The following TMTC1 variants were observed in gnomAD, a reference collection of about 807,000 sequenced individuals.
The protein encoded by TMTC1 is protein O-mannosyl-transferase TMTC1.
TMTC1 carries 73 observed loss-of-function variants against 104.8 expected under a neutral mutation model. The observed-to-expected ratio is 0.70, with a 90% confidence interval of 0.58 to 0.85. The LOEUF (loss-of-function observed/expected upper bound fraction) is 0.85. Among genes scored for constraint, TMTC1 ranks in the 40% least tolerant of loss-of-function variants. The pLI is 0.00. For synonymous variants in TMTC1, 434 were observed against 428.7 expected, an observed-to-expected ratio of 1.01 and a Z score of -0.15; for missense variants, 1,035 against 1,096.1, an observed-to-expected ratio of 0.94 and a Z score of 0.79.
At chr12:29,564,925 G>C (rs1006204927) in intron 9 of TMTC1, among the ~76,000 whole-genome samples, 2 of 151,770 alleles carry the variant, frequency 1.3e-5, no homozygotes, top group Non-Finnish European at 2.9e-5. Flanking sequence ...GGAAATTATG[G>C]AACCTTGAGC....
intron 9 of TMTC1, among the ~76,000 whole-genome samples, chr12:29,562,831 G>A (rs1303855214): frequency 6.6e-6 from 1 of 152,120 alleles, no homozygotes; most frequent in African/African-American, 2.4e-5. Flanking sequence ...ATATTTTGGG[G>A]TCAGCTGCAG....
chr12:29,725,011 G>GTTTTTTTTTTTTTTTTTT (rs879602127), intron 5 of TMTC1, among the ~76,000 whole-genome samples: 6 of 115,726 alleles, frequency 5.2e-5, no homozygotes, highest in Admixed American at 1.1e-4. Context: ...TATCTGCCAA[G>GTTTTTTTTTTTTTTTTTT]TTCTTTTTTT....
intron 5 of TMTC1, among the ~76,000 whole-genome samples, chr12:29,729,156 A>T (rs1942482930): frequency 6.6e-6 from 1 of 151,778 alleles, no homozygotes; most frequent in Admixed American, 6.6e-5. Flanking sequence ...TCCGTCTCTC[A>T]GCTTCCCTCT....
At chr12:29,691,389 C>T (rs913003250) in intron 5 of TMTC1, among the ~76,000 whole-genome samples, 37 of 152,104 alleles carry the variant, frequency 2.4e-4, no homozygotes, top group African/African-American at 8.0e-4. Context: ...AGCCCCTACC[C>T]GCCAGATTAT....
intron 5 of TMTC1, among the ~76,000 whole-genome samples, chr12:29,679,253 T>C (rs1294623139): frequency 6.6e-6 from 1 of 151,708 alleles, no homozygotes; most frequent in South Asian, 2.1e-4. Context: ...AACAACAGAT[T>C]AGTGAGCTAT....
At chr12:29,643,359 A>T (rs1366449662) in intron 5 of TMTC1, among the ~76,000 whole-genome samples, 1 of 142,538 alleles carries the variant, frequency 7.0e-6, no homozygotes, top group African/African-American at 2.8e-5. Flanking sequence ...TTATAGCAGC[A>T]CAATTCACAA....
At chr12:29,519,264 T>C (rs1175277713) in intron 12 of TMTC1, 2 of 152,208 alleles carry the variant, frequency 1.3e-5, no homozygotes, top group Non-Finnish European at 2.9e-5. Flanking sequence ...TTAGCTGCCT[T>C]TTGATACTGT....
At chr12:29,590,748 G>A (rs1477105141) in intron 7 of TMTC1, among the ~76,000 whole-genome samples, 4 of 152,130 alleles carry the variant, frequency 2.6e-5, no homozygotes, top group Non-Finnish European at 5.9e-5. Flanking sequence ...TTGTGCCACC[G>A]AACTCCAGCC....
intron 1 of TMTC1, among the ~76,000 whole-genome samples, chr12:29,770,716 G>A (rs1387674332): frequency 6.6e-6 from 1 of 152,168 alleles, no homozygotes; most frequent in Non-Finnish European, 1.5e-5. Flanking sequence ...CCCTGAATCT[G>A]GAGTTAGGAA....
At chr12:29,586,334 G>A (rs1351903273) in intron 7 of TMTC1, among the ~76,000 whole-genome samples, 1 of 151,970 alleles carries the variant, frequency 6.6e-6, no homozygotes, top group Non-Finnish European at 1.5e-5. Flanking sequence ...GGAGATTTTG[G>A]GCTGAGATGA....
intron 7 of TMTC1, among the ~76,000 whole-genome samples, chr12:29,595,619 C>T (rs1047494564): frequency 1.3e-5 from 2 of 152,244 alleles, no homozygotes; most frequent in Non-Finnish European, 1.5e-5. Flanking sequence ...GCTCTCACAT[C>T]CTCTTCTGCC....
In TMTC1 at chr12:29,536,179, T is replaced by C. The variant is rs765364688; in HGVS notation, c.1785+30A>G. On this transcript the variant is annotated intron_variant, in intron 11 of 17. Transcript: ENST00000539277. ...TTAATTTATACATGTAACAATAACA[T>C]TGAAAAAAACTACTGTGTGAAACAA... is the stretch of plus-strand genomic sequence containing the variant. 9 of 1,383,182 alleles carry C rather than the reference T, an allele frequency of 6.5e-6. No homozygotes were observed. In the East Asian group the frequency reaches 1.6e-4, roughly 25 times the overall value. 85.7% of individuals were successfully genotyped at this position (1,383,182 alleles called of 1,614,324 possible). A position where few individuals can be genotyped will look rare whatever the true frequency, so the allele number is the denominator to read the frequency against.
intron 5 of TMTC1, among the ~76,000 whole-genome samples, chr12:29,711,770 C>T (rs762872618): frequency 2.0e-5 from 3 of 151,960 alleles, no homozygotes; most frequent in East Asian, 3.9e-4. Context: ...CTTTGGGGGG[C>T]CAAGGCAGGC....
intron 5 of TMTC1, among the ~76,000 whole-genome samples, chr12:29,731,794 G>A (rs965936697): frequency 2.0e-5 from 3 of 152,024 alleles, no homozygotes; most frequent in African/African-American, 7.2e-5. Flanking sequence ...AAAGATTTTT[G>A]GCAGCAACTG....
intron 8 of TMTC1, among the ~76,000 whole-genome samples, 160 bp from the exon 9 acceptor site, chr12:29,572,378 A>G (rs1945703458): frequency 6.6e-6 from 1 of 152,256 alleles, no homozygotes; most frequent in African/African-American, 2.4e-5. Flanking sequence ...TACAAATTAT[A>G]TAATTTACTA....
intron 5 of TMTC1, among the ~76,000 whole-genome samples, chr12:29,668,452 A>ATTTTTTTTTTTT (rs1940369316): frequency 1.0e-5 from 1 of 97,996 alleles, no homozygotes; most frequent in African/African-American, 4.0e-5. Context: ...ATACCAACTT[A>ATTTTTTTTTTTT]TCTTTTTTTT....
Position 29,755,548 on chromosome 12 carries a change from G to A in TMTC1, c.731+161C>T, listed in dbSNP as rs145626964. ...TGAAGCATTTGAACATATATAATGC[G>A]CTTATCTTAATGAAATAAGCCTTGT... On this transcript the variant is annotated intron_variant, in intron 4 of 17. Coordinates refer to ENST00000539277, the MANE Select transcript of TMTC1 (RefSeq NM_001193451.2). Among the ~76,000 whole-genome samples the A allele has an allele frequency of 7.8e-4, 118 of 152,254 alleles. 1 individual carries two copies. The highest frequency in any genetic ancestry group is 6.0e-3 in the Admixed American group (91 of 15,286).
chr12:29,620,756 A>G (rs1160647708), intron 6 of TMTC1, among the ~76,000 whole-genome samples: 2 of 152,168 alleles, frequency 1.3e-5, no homozygotes, highest in African/African-American at 4.8e-5. Flanking sequence ...GACTAAAACT[A>G]CTGAGCTGGA....
chr12:29,735,908 G>A (rs191257337), intron 5 of TMTC1, among the ~76,000 whole-genome samples: 2 of 152,312 alleles, frequency 1.3e-5, no homozygotes, highest in Admixed American at 6.5e-5. Context: ...TGGGGCTTGG[G>A]AAAAGTAGTT....
Sources: gnomAD v4.1 joint callset for allele counts (sites outside exome capture counted in the v4.1 genomes callset) on GRCh38, gnomAD v4.1.1 for gene constraint, MANE v1.5 for transcripts, NCBI Gene and HGNC (gene_info 2026-07-23, HGNC 2026-07-21) for gene names.